FMN2: variants seen among roughly 807,000 people sequenced by gnomAD.
The protein encoded by FMN2 is formin 2.
In FMN2, 51 loss-of-function variants were observed where a neutral mutation model predicts 142.3. The ratio of observed to expected loss-of-function variants is 0.36; its 90% CI spans 0.29 to 0.45. FMN2 has a LOEUF of 0.45. FMN2 is among the 20% of genes least tolerant of loss of function. The pLI is 1.00. For missense variants in FMN2, 1,936 were observed against 2,122.8 expected, an observed-to-expected ratio of 0.91 and a Z score of 1.73; for synonymous variants, 882 against 869.8, an observed-to-expected ratio of 1.01 and a Z score of -0.25.
chr1:240,288,076 T>C (rs1006116741), intron 7 of FMN2, among the ~76,000 whole-genome samples: 1 of 152,186 alleles, frequency 6.6e-6, no homozygotes, highest in African/African-American at 2.4e-5. Flanking sequence ...AAGGCAGAGT[T>C]GATTTTCAGG....
chr1:240,236,847 G>C (rs1397969817), intron 6 of FMN2, among the ~76,000 whole-genome samples: 1 of 152,178 alleles, frequency 6.6e-6, no homozygotes, highest in Non-Finnish European at 1.5e-5. Context: ...GTGAGATTTG[G>C]AGGGGACAAA....
chr1:240,270,716 G>T (rs1372874389), intron 7 of FMN2, among the ~76,000 whole-genome samples: 1 of 152,010 alleles, frequency 6.6e-6, no homozygotes, highest in Non-Finnish European at 1.5e-5. Flanking sequence ...AAGACATTAT[G>T]TTAAGTGAAA....
Position 240,170,938 on chromosome 1 carries a change from C to T in FMN2, c.1783-6983C>T, listed in dbSNP as rs77279295. 0.012 allele frequency: 9,639 copies of T among 788,940 alleles called. 631 individuals carry two copies. The African/African-American group carries it at 0.14, about 12-fold the overall frequency. The allele number at this position is 788,940 out of a possible 1,614,324, so 48.9% of individuals were successfully genotyped here. On this transcript the variant is annotated intron_variant, in intron 2 of 17. Coordinates refer to ENST00000319653, the MANE Select transcript of FMN2 (RefSeq NM_020066.5). ...ACCCATCCAGGAAGTGCTCATTGAG[C>T]GGACTGATGGAGGAGTGGACTACTC...
intron 14 of FMN2, among the ~76,000 whole-genome samples, chr1:240,389,694 G>A (rs1673539586): frequency 1.3e-5 from 2 of 152,290 alleles, no homozygotes. Context: ...GCTTATGCCT[G>A]TAATCTCAAC....
At chr1:240,201,417 G>C (rs889800688) in intron 4 of FMN2, among the ~76,000 whole-genome samples, 5 of 152,198 alleles carry the variant, frequency 3.3e-5, no homozygotes, top group Non-Finnish European at 7.3e-5. Flanking sequence ...TAATTGATTT[G>C]TGAGCACCTC....
chr1:240,264,482 T>A (rs557149516), intron 7 of FMN2, among the ~76,000 whole-genome samples: 1 of 152,280 alleles, frequency 6.6e-6, no homozygotes, highest in South Asian at 2.1e-4. Context: ...GTTGCACCCA[T>A]CAATCTGTCA....
intron 1 of FMN2, among the ~76,000 whole-genome samples, chr1:240,101,220 G>A (rs773185658): frequency 2.6e-5 from 4 of 152,170 alleles, no homozygotes; most frequent in Admixed American, 2.0e-4. Flanking sequence ...GCTGGGAAGC[G>A]TCTTCCTTCA....
At chr1:240,428,822 A>G (rs1468132263) in intron 15 of FMN2, among the ~76,000 whole-genome samples, 6 of 152,228 alleles carry the variant, frequency 3.9e-5, no homozygotes, top group Non-Finnish European at 8.8e-5. Context: ...GTGTTGTATA[A>G]TAGAGCTCTT....
chr1:240,172,261 A>T (rs375756080), intron 2 of FMN2, among the ~76,000 whole-genome samples: 2 of 152,118 alleles, frequency 1.3e-5, no homozygotes, highest in African/African-American at 4.8e-5. Flanking sequence ...TCACAGGGCA[A>T]TTGTTAATTG....
intron 14 of FMN2, among the ~76,000 whole-genome samples, chr1:240,381,214 A>G (rs1673216030): frequency 6.6e-6 from 1 of 152,144 alleles, no homozygotes; most frequent in Admixed American, 6.5e-5. Context: ...AACAGAAACA[A>G]CAGAAAACAA....
chr1:240,142,693 G>T, intron 2 of FMN2: 1 of 1,611,068 alleles, frequency 6.2e-7, no homozygotes, highest in Admixed American at 1.7e-5. Context: ...GGGTTCTTCC[G>T]AAGGATAACA....
At chr1:240,183,526 T>C (rs1364204226) in intron 3 of FMN2, among the ~76,000 whole-genome samples, 1 of 149,792 alleles carries the variant, frequency 6.7e-6, no homozygotes, top group Non-Finnish European at 1.5e-5. Flanking sequence ...TTACATAGTA[T>C]GTGCATGCAT....
intron 6 of FMN2, among the ~76,000 whole-genome samples, chr1:240,228,689 A>G (rs1667432395): frequency 6.6e-6 from 1 of 152,128 alleles, no homozygotes; most frequent in Non-Finnish European, 1.5e-5. Context: ...AAGGTAAATA[A>G]TTTTGCTGGT....
At chr1:240,333,991 C>A in intron 12 of FMN2, 45 bp downstream of exon 12, 1 of 1,577,648 alleles carries the variant, frequency 6.3e-7, no homozygotes, top group South Asian at 1.2e-5. Flanking sequence ...ATTCTTTATT[C>A]GTTGGATGAT....
At chr1:240,354,853 G>A (rs1460041913) in intron 13 of FMN2, among the ~76,000 whole-genome samples, 1 of 152,004 alleles carries the variant, frequency 6.6e-6, no homozygotes, top group Admixed American at 6.6e-5. Context: ...TTTTTTTGTT[G>A]TTGTCGTTGT....
intron 6 of FMN2, chr1:240,235,711 G>A (rs1431596758): frequency 1.3e-5 from 2 of 152,172 alleles, no homozygotes; most frequent in African/African-American, 4.8e-5. Flanking sequence ...ATGAGCCACT[G>A]TGTCCAGACC....
At chr1:240,095,228 A>C (rs1025869848) in intron 1 of FMN2, among the ~76,000 whole-genome samples, 1 of 152,230 alleles carries the variant, frequency 6.6e-6, no homozygotes, top group Non-Finnish European at 1.5e-5. Flanking sequence ...ACATTCACGT[A>C]TATAGTTTTT....
intron 6 of FMN2, among the ~76,000 whole-genome samples, chr1:240,212,202 C>G (rs1014761072): frequency 1.3e-5 from 2 of 152,164 alleles, no homozygotes; most frequent in Admixed American, 6.5e-5. Flanking sequence ...TAGCTAGGCA[C>G]ATGACCTGGA....
chr1:240,392,719 AATTTT>A (rs1673646186), intron 15 of FMN2, among the ~76,000 whole-genome samples, 157 bp downstream of exon 15: 1 of 152,182 alleles, frequency 6.6e-6, no homozygotes. Context: ...TGAATTTCTG[AATTTT>A]ATTTTTGTTA....
Sources: gnomAD v4.1 joint callset for allele counts (sites outside exome capture counted in the v4.1 genomes callset) on GRCh38, gnomAD v4.1.1 for gene constraint, MANE v1.5 for transcripts, NCBI Gene and HGNC (gene_info 2026-07-23, HGNC 2026-07-21) for gene names.